The following ADGRL3 variants were observed in gnomAD, a reference collection of about 807,000 sequenced individuals.
The protein encoded by ADGRL3 is adhesion G protein-coupled receptor L3, also known as calcium-independent alpha-latrotoxin receptor 3.
In ADGRL3, 62 loss-of-function variants were observed where a neutral mutation model predicts 153.5. That is an observed-to-expected ratio of 0.40 (90% CI 0.33 to 0.50). The LOEUF (loss-of-function observed/expected upper bound fraction) is 0.50. Ranked by LOEUF, ADGRL3 falls within the 20% of genes least tolerant of loss-of-function variation. ADGRL3 has a pLI of 0.47. For missense variants in ADGRL3, 1,641 were observed against 1,859.4 expected, an observed-to-expected ratio of 0.88 and a Z score of 2.16; for synonymous variants, 710 against 672.5, an observed-to-expected ratio of 1.06 and a Z score of -0.86.
intron 11 of ADGRL3, among the ~76,000 whole-genome samples, chr4:61,896,449 C>T (rs2098632037): frequency 6.6e-6 from 1 of 152,082 alleles, no homozygotes; most frequent in Non-Finnish European, 1.5e-5. Flanking sequence ...TGGATTTATG[C>T]ACTCCTAAAA....
At chr4:61,805,459 C>G (rs1045451397) in intron 8 of ADGRL3, among the ~76,000 whole-genome samples, 1 of 152,128 alleles carries the variant, frequency 6.6e-6, no homozygotes, top group Non-Finnish European at 1.5e-5. Flanking sequence ...TGTGACTTCC[C>G]TGGTTTATAG....
intron 2 of ADGRL3, among the ~76,000 whole-genome samples, chr4:61,465,109 A>G (rs1460593385): frequency 1.3e-5 from 2 of 152,292 alleles, no homozygotes; most frequent in South Asian, 2.1e-4. Flanking sequence ...TATTGTGACT[A>G]TTTCAGAAGA....
intron 8 of ADGRL3, among the ~76,000 whole-genome samples, chr4:61,789,200 C>T (rs184005878): frequency 6.9e-4 from 105 of 151,984 alleles, no homozygotes; most frequent in African/African-American, 2.3e-3. Context: ...ATGAAAAGTA[C>T]GTATTTATTT....
chr4:61,750,514 G>C (rs184685670), intron 8 of ADGRL3, among the ~76,000 whole-genome samples: 6 of 152,158 alleles, frequency 3.9e-5, no homozygotes, highest in Non-Finnish European at 7.4e-5. Context: ...GAAGTCGGCC[G>C]GGCGCGGTGG....
intron 1 of ADGRL3, among the ~76,000 whole-genome samples, chr4:61,295,847 C>T (rs1026532911): frequency 1.3e-5 from 2 of 150,714 alleles, no homozygotes; most frequent in Admixed American, 6.6e-5. Flanking sequence ...GTGGCATGTG[C>T]CTATTGTCCT....
intron 1 of ADGRL3, among the ~76,000 whole-genome samples, chr4:61,220,892 C>T (rs569591324): frequency 6.6e-6 from 1 of 152,300 alleles, no homozygotes; most frequent in South Asian, 2.1e-4. Context: ...ATTTCTAATA[C>T]TGCATTCTGC....
At chr4:61,464,245 A>G (rs752616734) in intron 2 of ADGRL3, among the ~76,000 whole-genome samples, 1 of 152,178 alleles carries the variant, frequency 6.6e-6, no homozygotes, top group Non-Finnish European at 1.5e-5. Context: ...TTTGGAACAA[A>G]TTTACATTTT....
At position 61,201,715 on chromosome 4, in the gene ADGRL3, A is replaced by T. The variant is rs1734728133; in HGVS notation, c.-290A>T. 1 of 152,332 alleles carries T rather than the reference A, an allele frequency of 6.6e-6. No individual in the cohort carries two copies. The highest frequency in any genetic ancestry group is 2.1e-4 in the South Asian group (1 of 4,828). The allele number at this position is 152,332 out of a possible 1,614,324, so 9.4% of individuals were successfully genotyped here. ...GATTGTGGAAACTGCACCCGCCTTCAGGTTGTTGAGCAACTGATGGGACGA... is the reference window on the plus strand; with the variant it reads ...GATTGTGGAAACTGCACCCGCCTTCTGGTTGTTGAGCAACTGATGGGACGA... On this transcript the variant is annotated 5_prime_UTR_variant, in exon 1 of 27. Coordinates refer to ENST00000683033, the MANE Select transcript of ADGRL3 (RefSeq NM_001387552.1).
intron 6 of ADGRL3, among the ~76,000 whole-genome samples, chr4:61,695,727 A>G (rs1311676015): frequency 1.3e-5 from 2 of 152,158 alleles, no homozygotes; most frequent in Admixed American, 6.6e-5. Flanking sequence ...TTCTTCCAAT[A>G]GAAGGCTGTT....
intron 1 of ADGRL3, among the ~76,000 whole-genome samples, chr4:61,213,052 T>G (rs1420220614): frequency 6.6e-6 from 1 of 152,104 alleles, no homozygotes; most frequent in African/African-American, 2.4e-5. Context: ...GAGATAACAA[T>G]GGTATGTGTA....
At chr4:61,532,551 C>CGTGTGTGT (rs10652642) in intron 4 of ADGRL3, among the ~76,000 whole-genome samples, 1,854 of 130,154 alleles carry the variant, frequency 0.014, 36 homozygotes, top group African/African-American at 0.043. Flanking sequence ...CGCGCGCGCG[C>CGTGTGTGT]GCGCGTGTGT....
intron 5 of ADGRL3, among the ~76,000 whole-genome samples, chr4:61,613,895 G>A (rs763655348): frequency 1.1e-3 from 164 of 152,228 alleles, no homozygotes; most frequent in African/African-American, 3.5e-3. Context: ...ATACTGCTGC[G>A]TGCAAGATTC....
rs568742322 is a variant in ADGRL3 at position 61,817,987 on chromosome 4, C to A, written c.1480+4098C>A. On this transcript the variant is annotated intron_variant, in intron 9 of 26. Transcript: ENST00000683033. Reference sequence around the variant, plus strand: ...ACAGCCAAACCATATCATCCCATCCCAGCCCCTCCCAAATCTCATGTGCTC... The same window carrying A: ...ACAGCCAAACCATATCATCCCATCCAAGCCCCTCCCAAATCTCATGTGCTC... 5.3e-5 allele frequency among the ~76,000 whole-genome samples: 8 copies of A among 152,234 alleles called. No individual in the cohort carries two copies. In the South Asian group the frequency reaches 1.7e-3, roughly 32 times the overall value.
chr4:61,336,858 CTTT>C (rs573900304), intron 1 of ADGRL3, among the ~76,000 whole-genome samples: 5 of 134,150 alleles, frequency 3.7e-5, no homozygotes, highest in African/African-American at 5.5e-5. Flanking sequence ...CTTACAGTTC[CTTT>C]TTTTTTTTTT....
chr4:61,425,443 G>C (rs1173863299), intron 2 of ADGRL3: 1 of 152,348 alleles, frequency 6.6e-6, no homozygotes, highest in African/African-American at 2.4e-5. Context: ...AGATCCTACA[G>C]TTGGAAAGAT....
intron 3 of ADGRL3, among the ~76,000 whole-genome samples, chr4:61,503,325 G>T (rs1365095652): frequency 6.6e-6 from 1 of 151,874 alleles, no homozygotes; most frequent in African/African-American, 2.4e-5. Context: ...TTTCTATATT[G>T]AAATTTTGTG....
At chr4:61,504,594 C>G (rs1283798826) in intron 3 of ADGRL3, among the ~76,000 whole-genome samples, 2 of 152,104 alleles carry the variant, frequency 1.3e-5, no homozygotes, top group East Asian at 3.9e-4. Context: ...AACACTAGAT[C>G]TTATTCCCTC....
intron 8 of ADGRL3, among the ~76,000 whole-genome samples, chr4:61,801,894 A>G (rs1206421978): frequency 6.6e-6 from 1 of 152,274 alleles, no homozygotes. Flanking sequence ...CTCTGCATAT[A>G]TGTAAAATAT....
intron 8 of ADGRL3, among the ~76,000 whole-genome samples, chr4:61,757,425 T>A (rs1305186246): frequency 6.6e-6 from 1 of 152,226 alleles, no homozygotes; most frequent in Non-Finnish European, 1.5e-5. Flanking sequence ...TTTATAGTAT[T>A]CTCTGATGAT....
Sources: gnomAD v4.1 joint callset for allele counts (sites outside exome capture counted in the v4.1 genomes callset) on GRCh38, gnomAD v4.1.1 for gene constraint, MANE v1.5 for transcripts, NCBI Gene and HGNC (gene_info 2026-07-23, HGNC 2026-07-21) for gene names.